Variants in BRWD3 observed in about 807,000 individuals in gnomAD.
The protein encoded by BRWD3 is bromodomain and WD repeat-containing protein 3.
A neutral mutation model predicts 149.7 loss-of-function variants in BRWD3; 10 were observed. The ratio of observed to expected loss-of-function variants is 0.07; its 90% CI spans 0.04 to 0.11. The LOEUF is 0.11. Ranked by LOEUF, BRWD3 falls within the 10% of genes least tolerant of loss-of-function variation. The probability of loss-of-function intolerance (pLI) is 1.00; values close to 1 mark genes in which losing one functional copy is unlikely to be tolerated. For synonymous variants in BRWD3, 504 were observed against 456.7 expected (o/e 1.10, Z -1.32); for missense variants, 940 against 1,373.2 (o/e 0.68, Z 4.99).
At position 80,696,731 on chromosome X, in the gene BRWD3, C is replaced by CT; in HGVS notation, c.3068+7dup. On this transcript the variant is annotated splice_region_variant and intron_variant, in intron 26 of 40. Coordinates refer to ENST00000373275, the MANE Select transcript of BRWD3 (RefSeq NM_153252.5). ...CACTCAAACAGAGACTCAGAGATAA[C>CT]TACTCACTTAATGGAAAAAGATTCT... 2 of 1,209,585 alleles carry CT rather than the reference C, an allele frequency of 1.7e-6. No homozygotes were observed. Among genetic ancestry groups the CT allele is most frequent in the Non-Finnish European group, 2.2e-6 (2 of 894,230 alleles).
intron 4 of BRWD3, among the ~76,000 whole-genome samples, chrX:80,805,092 C>T (rs890159611): frequency 1.8e-5 from 2 of 111,737 alleles, no homozygotes; most frequent in African/African-American, 6.5e-5. Context: ...AATAAAAAAG[C>T]ACCTTCCCTT....
intron 17 of BRWD3, among the ~76,000 whole-genome samples, chrX:80,721,059 C>T (rs2073143667): frequency 8.9e-6 from 1 of 111,882 alleles, no homozygotes; most frequent in Admixed American, 9.5e-5. Flanking sequence ...TGAAAGAAGT[C>T]GAAATGATGA....
At position 80,675,093 on chromosome X, in the gene BRWD3, ACAAAT is replaced by A. The variant is rs1287168218; in HGVS notation, c.*1511_*1515del. ...AGAAATGTAAGTATCTAACAAATGA[ACAAAT>A]CTGTAATATTAAATTTGGGGAGTAA... is the stretch of plus-strand genomic sequence containing the variant. On this transcript the variant is annotated 3_prime_UTR_variant, in exon 41 of 41. Coordinates refer to ENST00000373275, the MANE Select transcript of BRWD3 (RefSeq NM_153252.5). 1 of 111,771 alleles carries A rather than the reference ACAAAT, an allele frequency of 8.9e-6. No homozygotes were observed. The highest frequency in any genetic ancestry group is 1.9e-5 in the Non-Finnish European group (1 of 53,066). The allele number at this position is 111,771 out of a possible 1,213,427, so 9.2% of individuals were successfully genotyped here. A position where few individuals can be genotyped will look rare whatever the true frequency, so the allele number is the denominator to read the frequency against.
chrX:80,689,991 G>C lies in BRWD3; in HGVS notation c.3704C>G (p.Thr1235Ser). 8.3e-7 allele frequency: 1 copy of C among 1,209,157 alleles called. No individual in the cohort carries two copies. Among genetic ancestry groups the C allele is most frequent in the South Asian group, 1.8e-5 (1 of 56,798 alleles). ...SPIVKAAKIV[T>S]DVLLRFIGDQ... The stretch of plus-strand genomic sequence containing the variant: ...CCCAATAAATCGAAGTAAGACATCA[G>C]TTACAATTTTAGCTGCTTTAACTAT... The change falls in exon 32 of 41, where the codon ACT becomes AGT. Residue 1235 changes from threonine (T) to serine (S), a missense_variant. Transcript: ENST00000373275.
At chrX:80,700,813 T>C (rs2072775913) in intron 24 of BRWD3, among the ~76,000 whole-genome samples, 1 of 110,669 alleles carries the variant, frequency 9.0e-6, no homozygotes, top group Admixed American at 9.7e-5. Context: ...ACAATTAATA[T>C]AGCATTTACA....
chrX:80,745,436 TCCAC>T, intron 7 of BRWD3, 129 bp downstream of exon 7: 2 of 520,578 alleles, frequency 3.8e-6, no homozygotes, highest in Admixed American at 8.3e-5. Context: ...TTTTTCAATT[TCCAC>T]TCATCTTTTT....
At chrX:80,731,024 T>C (rs1198017264) in intron 12 of BRWD3, among the ~76,000 whole-genome samples, 1 of 111,697 alleles carries the variant, frequency 9.0e-6, no homozygotes, top group Non-Finnish European at 1.9e-5. Flanking sequence ...ATAATCTTTG[T>C]ACAACCTCAT....
chrX:80,783,384 T>TA (rs57607463), intron 6 of BRWD3, among the ~76,000 whole-genome samples: 7,192 of 85,087 alleles, frequency 0.085, 337 homozygotes, highest in South Asian at 0.17. Flanking sequence ...AGACCCTGTC[T>TA]AAAAAAAAAA....
intron 6 of BRWD3, among the ~76,000 whole-genome samples, chrX:80,764,599 C>T (rs2073838930): frequency 9.1e-6 from 1 of 110,406 alleles, no homozygotes; most frequent in Admixed American, 9.7e-5. Context: ...AGGTGTGAGC[C>T]ACCGCGCCCA....
At chrX:80,708,489 A>G (rs976944506) in intron 21 of BRWD3, among the ~76,000 whole-genome samples, 4 of 106,640 alleles carry the variant, frequency 3.8e-5, no homozygotes, top group Admixed American at 2.0e-4. Context: ...GGGGTGGGGC[A>G]TGAATGTAGG....
At chrX:80,687,924 T>C in intron 34 of BRWD3, 145 bp downstream of exon 34, 1 of 505,502 alleles carries the variant, frequency 2.0e-6, no homozygotes, top group Non-Finnish European at 3.6e-6. Flanking sequence ...TGCATCACTC[T>C]AATAAATATT....
rs1450851365 is a variant in BRWD3 at position 80,734,228 on chromosome X, T to TA, written c.986-11dup. 1.4e-5 allele frequency: 15 copies of TA among 1,100,322 alleles called. No individual in the cohort carries two copies. Among genetic ancestry groups the TA allele is most frequent in the Non-Finnish European group, 1.9e-5 (15 of 795,876 alleles). The allele number at this position is 1,100,322 out of a possible 1,213,427, so 90.7% of individuals were successfully genotyped here. On this transcript the variant is annotated splice_polypyrimidine_tract_variant and intron_variant, in intron 10 of 40. Transcript: ENST00000373275. Reference sequence around the variant, plus strand: ...GTAATGAACATACCACCTAGAAGATTAAAAAACAAAACAAAACATAGTACC... The same window carrying TA: ...GTAATGAACATACCACCTAGAAGATTAAAAAAACAAAACAAAACATAGTACC...
At position 80,719,565 on chromosome X, in the gene BRWD3, T is replaced by G. The variant is rs2073116096; in HGVS notation, c.1968A>C (p.Arg656Ser). 1 of 1,207,090 alleles carries G rather than the reference T, an allele frequency of 8.3e-7. No individual in the cohort carries two copies. Among genetic ancestry groups the G allele is most frequent in the Non-Finnish European group, 1.1e-6 (1 of 893,048 alleles). Residue 656 changes from arginine (R) to serine (S), a missense_variant, in exon 18 of 41, where the codon AGA becomes AGC. Arg to Ser is a moderately radical substitution (Grantham distance 110). Coordinates refer to ENST00000373275, the MANE Select transcript of BRWD3 (RefSeq NM_153252.5). The part of the protein sequence containing the change: ...ILDGIIRELQ[R>S]EQDLRLINEG... ...CATTAATTAGTCTCAGGTCTTGTTC[T>G]CTCTGCAGCTCCCTGATTATTCCAT... is the stretch of plus-strand genomic sequence containing the variant.
At chrX:80,799,873 T>TC (rs1430589276) in intron 4 of BRWD3, among the ~76,000 whole-genome samples, 2 of 111,295 alleles carry the variant, frequency 1.8e-5, no homozygotes, top group East Asian at 2.8e-4. Flanking sequence ...CTACTAAAGT[T>TC]CGGTTAGGAC....
chrX:80,733,384 T>G (rs957618602), intron 12 of BRWD3, 72 bp downstream of exon 12: 1 of 819,912 alleles, frequency 1.2e-6, no homozygotes, highest in South Asian at 2.2e-5. Flanking sequence ...ATCATAGAAG[T>G]AGCTGCATCT....
At chrX:80,746,875 TTTAACTGACAAAATGA>T in intron 6 of BRWD3, 2 of 744,657 alleles carry the variant, frequency 2.7e-6, no homozygotes, top group Non-Finnish European at 3.2e-6. Flanking sequence ...CACTGGCCAT[TTTAACTGACAAAATGA>T]CAAAAAATGA....
intron 4 of BRWD3, among the ~76,000 whole-genome samples, chrX:80,800,252 CTTT>C (rs1398759700): frequency 5.5e-5 from 5 of 90,495 alleles, no homozygotes; most frequent in Non-Finnish European, 2.2e-5. Context: ...AGAAGGGCTT[CTTT>C]TTTTTTTTTT....
chrX:80,738,843 G>A (rs1466269313), intron 8 of BRWD3, among the ~76,000 whole-genome samples: 1 of 111,828 alleles, frequency 8.9e-6, no homozygotes, highest in Non-Finnish European at 1.9e-5. Flanking sequence ...CCAGCAGTAA[G>A]CAGAGTGAAA....
At chrX:80,763,373 T>C (rs1218756908) in intron 6 of BRWD3, among the ~76,000 whole-genome samples, 1 of 111,555 alleles carries the variant, frequency 9.0e-6, no homozygotes, top group African/African-American at 3.3e-5. Flanking sequence ...TATACCCCAA[T>C]AGCTAACTAT....
Sources: allele counts gnomAD v4.1 joint callset (sites outside exome capture counted in the v4.1 genomes callset), GRCh38; gene constraint gnomAD v4.1.1; transcripts MANE v1.5; gene names NCBI Gene and HGNC (gene_info 2026-07-23, HGNC 2026-07-21).